The following TMEM230 variants were observed in gnomAD, a reference collection of about 807,000 sequenced individuals.
TMEM230 encodes transmembrane protein 230, also known as UPF0414 transmembrane protein C20orf30.
A neutral mutation model predicts 15.8 loss-of-function variants in TMEM230; 10 were observed. That is an observed-to-expected ratio of 0.63 (90% CI 0.39 to 1.07). The LOEUF is 1.07. Among genes scored for constraint, TMEM230 ranks in the 50% least tolerant of loss-of-function variants. The pLI is 0.01. For missense variants in TMEM230, 165 were observed against 193.3 expected (o/e 0.85, Z 0.87); for synonymous variants, 67 against 76.9 (o/e 0.87, Z 0.68).
In TMEM230 at chr20:5,103,839, T is replaced by C. The variant is rs192161277; in HGVS notation, c.411+2349A>G. Among the ~76,000 whole-genome samples the C allele has an allele frequency of 3.6e-4, 55 of 152,102 alleles. 1 individual carries two copies. In the South Asian group the frequency reaches 1.0e-2, roughly 28 times the overall value. On this transcript the variant is annotated intron_variant, in intron 4 of 4. Coordinates refer to ENST00000342308, the MANE Select transcript of TMEM230 (RefSeq NM_001009923.2). ...AAGACCTAAAACTATGAAACTACTA[T>C]AAGAAAACATGGGGGAAACTCTCCA... is the stretch of plus-strand genomic sequence containing the variant.
downstream of TMEM230, among the ~76,000 whole-genome samples, chr20:5,066,806 C>G (rs2088661154): frequency 6.6e-6 from 1 of 152,090 alleles, no homozygotes; most frequent in Admixed American, 6.6e-5. Context: ...CGGGTTCATG[C>G]TCATCATCCC....
At chr20:5,096,823 A>T (rs1236797557), downstream of TMEM230, among the ~76,000 whole-genome samples, 1 of 152,230 alleles carries the variant, frequency 6.6e-6, no homozygotes, top group Non-Finnish European at 1.5e-5. Context: ...ACACGATTCC[A>T]GCTCTTCATT....
chr20:5,088,686 A>C (rs976964089), intron 3 of TMEM230, among the ~76,000 whole-genome samples: 3 of 151,872 alleles, frequency 2.0e-5, no homozygotes, highest in African/African-American at 4.8e-5. Context: ...TTAATTAAAA[A>C]AAATTTTTTT....
intron 3 of TMEM230, among the ~76,000 whole-genome samples, chr20:5,085,830 G>C (rs544879643): frequency 1.3e-5 from 2 of 152,136 alleles, no homozygotes; most frequent in South Asian, 4.1e-4. Flanking sequence ...TGACATAAAG[G>C]ACTCTCCAAT....
rs138419226 is a variant in TMEM230 at position 5,104,676 on chromosome 20, A to G, written c.411+1512T>C. On this transcript the variant is annotated intron_variant, in intron 4 of 4. Coordinates refer to ENST00000342308, the MANE Select transcript of TMEM230 (RefSeq NM_001009923.2). ...AAAATATGGTACATATATGCAATGG[A>G]GTACTATTCAGCCACTAAAAAGAAT... 9.6e-4 allele frequency among the ~76,000 whole-genome samples: 147 copies of G among 152,354 alleles called. 1 individual carries two copies. Among genetic ancestry groups the G allele is most frequent in the Non-Finnish European group, 1.3e-3 (90 of 68,038 alleles).
At chr20:5,106,046 G>C (rs1243842416) in intron 4 of TMEM230, 142 bp downstream of exon 3, 15 of 1,313,148 alleles carry the variant, frequency 1.1e-5, no homozygotes, top group Non-Finnish European at 1.5e-5. Context: ...GCAAGACCCT[G>C]TCTCAAAAAA....
intron 3 of TMEM230, among the ~76,000 whole-genome samples, chr20:5,080,162 G>A (rs1326470445): frequency 6.6e-6 from 1 of 152,102 alleles, no homozygotes; most frequent in Non-Finnish European, 1.5e-5. Flanking sequence ...GATATTATTT[G>A]TAATCATCTA....
At chr20:5,071,842 G>A (rs2088839475) in intron 3 of TMEM230, among the ~76,000 whole-genome samples, 1 of 151,982 alleles carries the variant, frequency 6.6e-6, no homozygotes, top group South Asian at 2.1e-4. Context: ...CTGGGTTCAA[G>A]TGATTCTCAT....
chr20:5,060,071 C>T, the TMEM230 span, among the ~76,000 whole-genome samples: 2 of 152,044 alleles, frequency 1.3e-5, no homozygotes, highest in Non-Finnish European at 2.9e-5. Flanking sequence ...TGCTCCCAGC[C>T]AGCTAATGTT....
intron 4 of TMEM230, among the ~76,000 whole-genome samples, chr20:5,103,153 A>C (rs987936710): frequency 6.6e-6 from 1 of 152,154 alleles, no homozygotes; most frequent in Non-Finnish European, 1.5e-5. Context: ...CACTGACCAT[A>C]ATTAACACAC....
chr20:5,095,655 A>AT (rs2089645994), downstream of TMEM230, among the ~76,000 whole-genome samples: 1 of 152,144 alleles, frequency 6.6e-6, no homozygotes, highest in Non-Finnish European at 1.5e-5. Flanking sequence ...GAGGAGATGG[A>AT]CTAGGAGGGA....
intron 3 of TMEM230, among the ~76,000 whole-genome samples, chr20:5,083,285 A>ATTTTT (rs71197748): frequency 5.3e-4 from 64 of 119,912 alleles, no homozygotes; most frequent in African/African-American, 2.0e-3. Context: ...GGTTAGGGAG[A>ATTTTT]TTTTTTTTTT....
downstream of TMEM230, among the ~76,000 whole-genome samples, chr20:5,095,590 C>T (rs761345491): frequency 3.0e-4 from 45 of 152,138 alleles, no homozygotes; most frequent in Non-Finnish European, 5.4e-4. Context: ...CCTCTAAGTG[C>T]CCCCACACCC....
In TMEM230 at chr20:5,100,242, C is replaced by T. The variant is rs914091384; in HGVS notation, c.*549G>A. ...AGTATTTACATTTTGAAAACTTGCT[C>T]TGCAGGATAAAAAAATTCCTGGTTG... is the stretch of plus-strand genomic sequence containing the variant. On this transcript the variant is annotated 3_prime_UTR_variant, in exon 5 of 5. Transcript: ENST00000342308. The T allele has an allele frequency of 2.0e-6, 2 of 985,348 alleles. No individual in the cohort carries two copies. Among genetic ancestry groups the T allele is most frequent in the African/African-American group, 3.5e-5 (2 of 57,178 alleles). 61.0% of individuals were successfully genotyped at this position (985,348 alleles called of 1,614,324 possible).
intron 3 of TMEM230, among the ~76,000 whole-genome samples, chr20:5,073,888 G>C (rs1221544337): frequency 6.6e-6 from 1 of 152,172 alleles, no homozygotes; most frequent in Non-Finnish European, 1.5e-5. Flanking sequence ...GGTGTATTTG[G>C]CTCACAGTTC....
chr20:5,097,222 T>A (rs1215994704), downstream of TMEM230, among the ~76,000 whole-genome samples: 1 of 152,174 alleles, frequency 6.6e-6, no homozygotes, highest in Non-Finnish European at 1.5e-5. Flanking sequence ...ATTTTCCTGT[T>A]GTACCTCCAG....
chr20:5,111,692 T>G (rs2090333339), intron 1 of TMEM230: 1 of 524,244 alleles, frequency 1.9e-6, no homozygotes, highest in Admixed American at 7.6e-5. Flanking sequence ...AAAAAAGGAC[T>G]AGTTTTTCTC....
At chr20:5,080,815 T>C (rs894464888) in intron 3 of TMEM230, among the ~76,000 whole-genome samples, 2 of 152,174 alleles carry the variant, frequency 1.3e-5, no homozygotes, top group African/African-American at 4.8e-5. Flanking sequence ...GCTGGGATTG[T>C]AGGCATGAGC....
intron 3 of TMEM230, among the ~76,000 whole-genome samples, chr20:5,079,361 T>C (rs1170738536): frequency 6.6e-6 from 1 of 152,268 alleles, no homozygotes; most frequent in Non-Finnish European, 1.5e-5. Context: ...GCTATTATAT[T>C]AATCTTTTAT....
Sources: allele counts gnomAD v4.1 joint callset (sites outside exome capture counted in the v4.1 genomes callset), GRCh38; gene constraint gnomAD v4.1.1; transcripts MANE v1.5; gene names NCBI Gene and HGNC (gene_info 2026-07-23, HGNC 2026-07-21).